RASL11B: variants seen among roughly 807,000 people sequenced by gnomAD.
RASL11B encodes ras-like protein family member 11B.
RASL11B carries 14 observed loss-of-function variants against 22.9 expected under a neutral mutation model. That is an observed-to-expected ratio of 0.61 (90% CI 0.40 to 0.96). The LOEUF is 0.96. RASL11B is among the 40% of genes least tolerant of loss of function. The pLI is 0.00. For synonymous variants in RASL11B, 143 were observed against 130.2 expected (o/e 1.10, Z -0.67); for missense variants, 261 against 322.0 (o/e 0.81, Z 1.45).
chr4:52,865,607 C>T lies in RASL11B; in HGVS notation c.549C>T (p.Val183=), dbSNP rs1441399158. The T allele has an allele frequency of 6.2e-7, 1 of 1,614,048 alleles. No individual in the cohort carries two copies. The highest frequency in any genetic ancestry group is 1.3e-5 in the African/African-American group (1 of 74,920). The change falls in exon 4 of 4, where the codon GTC becomes GTT. Residue 183 remains valine, a synonymous_variant. Coordinates refer to ENST00000248706, the MANE Select transcript of RASL11B (RefSeq NM_023940.3). ...GCTGCTCATTCTATGAAGTGTCTGT[C>T]AGTGAAAATTATAATGATGTCTACA... is the stretch of plus-strand genomic sequence containing the variant. ...MLGCSFYEVS[V]SENYNDVYSA... is the part of the protein sequence containing the mutation.
Position 52,862,377 on chromosome 4 carries a change from C to T in RASL11B, c.-131C>T, listed in dbSNP as rs1427804976. ...GGCGCTCGGCCCCACCCCGCCCGTA[C>T]CTGCACTTATTTATTGTTGTTATTT... is the stretch of plus-strand genomic sequence containing the variant. On this transcript the variant is annotated 5_prime_UTR_variant, in exon 1 of 4. Transcript: ENST00000248706. 1 of 815,712 alleles carries T rather than the reference C, an allele frequency of 1.2e-6. No individual in the cohort carries two copies. Among genetic ancestry groups the T allele is most frequent in the Non-Finnish European group, 1.8e-6 (1 of 556,038 alleles). The allele number at this position is 815,712 out of a possible 1,614,324, so 50.5% of individuals were successfully genotyped here.
chr4:52,862,719 C>T, intron 1 of RASL11B, 70 bp downstream of exon 1: 2 of 1,453,914 alleles, frequency 1.4e-6, no homozygotes, highest in South Asian at 1.4e-5. Context: ...CTGAACAAGG[C>T]GTGGGGAGCG....
Position 52,862,490 on chromosome 4 carries a change from T to C in RASL11B, c.-18T>C. 6.3e-7 allele frequency: 1 copy of C among 1,598,340 alleles called. No individual in the cohort carries two copies. ...AGTCCCTCAGTCCCTTCCCGCGCGG[T>C]GCGCCGCAGCCGAGGCGATGCGCCT... On this transcript the variant is annotated 5_prime_UTR_variant, in exon 1 of 4. Coordinates refer to ENST00000248706, the MANE Select transcript of RASL11B (RefSeq NM_023940.3).
rs760435312 is a variant in RASL11B, at chr4:52,865,630, A to G, written c.572A>G (p.Tyr191Cys). The G allele has an allele frequency of 6.2e-7, 1 of 1,614,198 alleles. No homozygotes were observed. Among genetic ancestry groups the G allele is most frequent in the South Asian group, 1.1e-5 (1 of 91,088 alleles). Residue 191 changes from tyrosine (Y) to cysteine (C), a missense_variant, in exon 4 of 4, where the codon TAC becomes TGC. By Grantham distance (194) the Tyr-to-Cys change is radical. Coordinates refer to ENST00000248706, the MANE Select transcript of RASL11B (RefSeq NM_023940.3). ...GTCAGTGAAAATTATAATGATGTCTACAGCGCCTTCCACGTCCTCTGTAAA... is the reference window on the plus strand; with the variant it reads ...GTCAGTGAAAATTATAATGATGTCTGCAGCGCCTTCCACGTCCTCTGTAAA... ...VSVSENYNDV[Y>C]SAFHVLCKEV...
intron 1 of RASL11B, among the ~76,000 whole-genome samples, chr4:52,862,955 G>A (rs1288840894): frequency 2.0e-5 from 3 of 147,116 alleles, no homozygotes; most frequent in African/African-American, 7.6e-5. Flanking sequence ...AGTTAGTGAA[G>A]CTAGCCCCCC....
At position 52,864,573 on chromosome 4, in the gene RASL11B, C is replaced by G. The variant is rs753265408; in HGVS notation, c.276+19C>G. On this transcript the variant is annotated intron_variant, in intron 3 of 3. Transcript: ENST00000248706. The stretch of plus-strand genomic sequence containing the variant: ...TATTCAGGTGAGAAGCTCTGAGACT[C>G]TGGGTGAAAGGGGAACCTACTTGGC... The G allele has an allele frequency of 3.2e-6, 5 of 1,544,376 alleles. No individual in the cohort carries two copies. The highest frequency in any genetic ancestry group is 4.5e-6 in the Non-Finnish European group (5 of 1,116,586).
rs1718169179 is a variant in RASL11B at position 52,862,328 on chromosome 4, G to C, written c.-180G>C. 3.4e-6 allele frequency: 2 copies of C among 594,464 alleles called. No individual in the cohort carries two copies. The highest frequency in any genetic ancestry group is 2.5e-5 in the South Asian group (1 of 39,872). The allele number at this position is 594,464 out of a possible 1,614,324, so 36.8% of individuals were successfully genotyped here. ...CGCCGCGCGAGTGCAGTCTGGGTCT[G>C]GAGCCTGAGCCCTGCGGAACCTCGG... is the stretch of plus-strand genomic sequence containing the variant. On this transcript the variant is annotated 5_prime_UTR_variant, in exon 1 of 4. Transcript: ENST00000248706.
intron 1 of RASL11B, 71 bp from the exon 2 acceptor site, chr4:52,863,197 G>T: frequency 7.4e-7 from 1 of 1,360,116 alleles, no homozygotes; most frequent in Non-Finnish European, 1.0e-6. Flanking sequence ...TGTTTTCCAG[G>T]CAGGGGGTGG....
intron 2 of RASL11B, among the ~76,000 whole-genome samples, chr4:52,863,926 C>T (rs1255013274): frequency 6.6e-6 from 1 of 152,204 alleles, no homozygotes; most frequent in Non-Finnish European, 1.5e-5. Context: ...TTGCTTAACT[C>T]TGTAGACCAT....
chr4:52,863,342 A>G lies in RASL11B; in HGVS notation c.199+18A>G, dbSNP rs768366706. ...AAATGCAGGTGAGACAATGCATTTGAGAAAAATTCTGTCCCATTGCAGGAG... is the reference window on the plus strand; with the variant it reads ...AAATGCAGGTGAGACAATGCATTTGGGAAAAATTCTGTCCCATTGCAGGAG... On this transcript the variant is annotated intron_variant, in intron 2 of 3. Coordinates refer to ENST00000248706, the MANE Select transcript of RASL11B (RefSeq NM_023940.3). 6.2e-7 allele frequency: 1 copy of G among 1,608,318 alleles called. No homozygotes were observed. The highest frequency in any genetic ancestry group is 8.5e-7 in the Non-Finnish European group (1 of 1,175,600).
chr4:52,864,343 C>A (rs1052369875), intron 2 of RASL11B, 135 bp from the exon 3 acceptor site: 4 of 568,712 alleles, frequency 7.0e-6, no homozygotes, highest in African/African-American at 3.8e-5. Context: ...TGAAGTAAGC[C>A]CACCAAATAG....
intron 2 of RASL11B, 34 bp from the exon 3 acceptor site, chr4:52,864,444 G>A (rs756175022): frequency 3.0e-6 from 4 of 1,328,650 alleles, no homozygotes; most frequent in Non-Finnish European, 4.3e-6. Context: ...TGTACAAGAA[G>A]GAAGAACATA....
intron 2 of RASL11B, 92 bp downstream of exon 2, chr4:52,863,416 A>C: frequency 9.3e-7 from 1 of 1,071,576 alleles, no homozygotes; most frequent in African/African-American, 1.6e-5. Flanking sequence ...TCTTTCAGTG[A>C]CAGTCCGAGC....
Position 52,866,072 on chromosome 4 carries a change from G to T in RASL11B, c.*267G>T, listed in dbSNP as rs1179095114. 4 of 473,946 alleles carry T rather than the reference G, an allele frequency of 8.4e-6. No homozygotes were observed. Among genetic ancestry groups the T allele is most frequent in the African/African-American group, 7.7e-5 (4 of 51,942 alleles). 29.4% of individuals were successfully genotyped at this position (473,946 alleles called of 1,614,324 possible). A position where few individuals can be genotyped will look rare whatever the true frequency, so the allele number is the denominator to read the frequency against. On this transcript the variant is annotated 3_prime_UTR_variant, in exon 4 of 4. Coordinates refer to ENST00000248706, the MANE Select transcript of RASL11B (RefSeq NM_023940.3). ...GTCTTTTCCTTTAGAGTGGGGAGGGGGCATAATCGTTTCGGTTTCTGCATT... is the reference window on the plus strand; with the variant it reads ...GTCTTTTCCTTTAGAGTGGGGAGGGTGCATAATCGTTTCGGTTTCTGCATT...
intron 3 of RASL11B, among the ~76,000 whole-genome samples, chr4:52,865,076 A>G (rs1718232051): frequency 6.6e-6 from 1 of 152,174 alleles, no homozygotes; most frequent in Non-Finnish European, 1.5e-5. Context: ...ATTTTGTGCA[A>G]CTACAAAGTC....
chr4:52,862,733 G>C, intron 1 of RASL11B, 84 bp downstream of exon 1: 1 of 1,419,590 alleles, frequency 7.0e-7, no homozygotes, highest in Non-Finnish European at 9.2e-7. Context: ...GGGAGCGGTG[G>C]GAGCTGCAGC....
Position 52,864,464 on chromosome 4 carries a change from A to G in RASL11B, c.200-14A>G, listed in dbSNP as rs369214097. On this transcript the variant is annotated splice_polypyrimidine_tract_variant and intron_variant, in intron 2 of 3. Coordinates refer to ENST00000248706, the MANE Select transcript of RASL11B (RefSeq NM_023940.3). ...AAGAAGGAAGAACATAATCTCTTTT[A>G]TTTGCCTTCATAGGTAATCTCTATA... 97 of 1,533,668 alleles carry G rather than the reference A, an allele frequency of 6.3e-5. No individual in the cohort carries two copies. Among genetic ancestry groups the G allele is most frequent in the Non-Finnish European group, 7.8e-5 (86 of 1,108,524 alleles).
At position 52,862,591 on chromosome 4, in the gene RASL11B, C is replaced by T; in HGVS notation, c.84C>T (p.Ala28=). ...NAAASDCCVG[A]AGRRLVKIAV... is the part of the protein sequence containing the mutation. Reference sequence around the variant, plus strand: ...CGGCCTCCGACTGCTGTGTGGGCGCCGCCGGCCGCCGCCTGGTCAAGATCG... The same window carrying T: ...CGGCCTCCGACTGCTGTGTGGGCGCTGCCGGCCGCCGCCTGGTCAAGATCG... Residue 28 remains alanine (A), a synonymous_variant, in exon 1 of 4, where the codon GCC becomes GCT. Transcript: ENST00000248706. 1 of 1,599,320 alleles carries T rather than the reference C, an allele frequency of 6.3e-7. No individual in the cohort carries two copies. Among genetic ancestry groups the T allele is most frequent in the Non-Finnish European group, 8.5e-7 (1 of 1,176,268 alleles).
chr4:52,864,623 A>C, intron 3 of RASL11B, 69 bp downstream of exon 3: 1 of 1,022,874 alleles, frequency 9.8e-7, no homozygotes, highest in African/African-American at 1.6e-5. Flanking sequence ...CTTCTTCTCA[A>C]AGTTCCTCAT....
Sources: gnomAD v4.1 joint callset for allele counts (sites outside exome capture counted in the v4.1 genomes callset) on GRCh38, gnomAD v4.1.1 for gene constraint, MANE v1.5 for transcripts, NCBI Gene and HGNC (gene_info 2026-07-23, HGNC 2026-07-21) for gene names.